Variants in RBFOX1 observed in about 807,000 individuals in gnomAD.
RBFOX1 encodes the protein RNA binding fox-1 homolog 1.
In RBFOX1, 8 loss-of-function variants were observed where a neutral mutation model predicts 57.7. The ratio of observed to expected loss-of-function variants is 0.14; its 90% CI spans 0.08 to 0.25. The LOEUF (loss-of-function observed/expected upper bound fraction) is 0.25. Ranked by LOEUF, RBFOX1 falls within the 10% of genes least tolerant of loss-of-function variation. The pLI is 1.00. For missense variants in RBFOX1, 611 were observed against 548.5 expected (o/e 1.11, Z -1.14); for synonymous variants, 326 against 222.4 (o/e 1.47, Z -4.15).
At chr16:6,645,903 C>G (rs2098530408) in intron 2 of RBFOX1, among the ~76,000 whole-genome samples, 1 of 152,012 alleles carries the variant, frequency 6.6e-6, no homozygotes, top group Non-Finnish European at 1.5e-5. Context: ...TGCAGAGTTC[C>G]AAAACTGGTG....
chr16:5,303,837 T>C (rs547142236), intron 1 of RBFOX1, among the ~76,000 whole-genome samples: 1 of 152,112 alleles, frequency 6.6e-6, no homozygotes, highest in African/African-American at 2.4e-5. Context: ...CTGAGATGCC[T>C]TTTTTCCCCT....
At position 5,814,375 on chromosome 16, in the gene RBFOX1, C is replaced by A. The variant is rs78237329; in HGVS notation, c.319-52928C>A. ...GATCTCTGTTTGCTTCCTGCCTTCCCAAATCCAAGCTTCACCAACTTTTTC... is the reference window on the plus strand; with the variant it reads ...GATCTCTGTTTGCTTCCTGCCTTCCAAAATCCAAGCTTCACCAACTTTTTC... On this transcript the variant is annotated intron_variant, in intron 3 of 19. Transcript: ENST00000641259. 5.2e-4 allele frequency among the ~76,000 whole-genome samples: 79 copies of A among 152,268 alleles called. 2 individuals are homozygous for A. The East Asian group carries it at 0.015, about 29-fold the overall frequency.
In RBFOX1 at chr16:5,271,834, G is replaced by C. The variant is rs549045989; in HGVS notation, c.219+31729G>C. ...CAACTTCTTTAGATTCCACATGTAA[G>C]TAAAATCATGCAGTATTTGTCTTTC... On this transcript the variant is annotated intron_variant, in intron 1 of 2. Coordinates refer to the RBFOX1 transcript ENST00000585867. Among the ~76,000 whole-genome samples the C allele has an allele frequency of 3.3e-5, 5 of 152,254 alleles. No individual in the cohort carries two copies. The South Asian group carries it at 1.0e-3, about 32-fold the overall frequency.
chr16:6,732,878 C>G (rs746443916), intron 3 of RBFOX1, among the ~76,000 whole-genome samples: 6 of 152,142 alleles, frequency 3.9e-5, no homozygotes, highest in Non-Finnish European at 7.3e-5. Flanking sequence ...AAATTTGCAT[C>G]TGAAAGTTTG....
chr16:5,570,035 A>C (rs1412456395), intron 2 of RBFOX1, among the ~76,000 whole-genome samples: 1 of 152,218 alleles, frequency 6.6e-6, no homozygotes, highest in Non-Finnish European at 1.5e-5. Context: ...CGTGGCAACA[A>C]CACCCAGTGA....
At chr16:5,385,481 T>C (rs1271722173) in intron 1 of RBFOX1, among the ~76,000 whole-genome samples, 1 of 152,196 alleles carries the variant, frequency 6.6e-6, no homozygotes, top group African/African-American at 2.4e-5. Context: ...CAATTAGTAA[T>C]GAGAAGGTGA....
At chr16:5,690,330 T>C (rs1159739414) in intron 3 of RBFOX1, among the ~76,000 whole-genome samples, 1 of 152,192 alleles carries the variant, frequency 6.6e-6, no homozygotes, top group African/African-American at 2.4e-5. Flanking sequence ...TACTCCTCAA[T>C]GTAGAACTCC....
intron 1 of RBFOX1, among the ~76,000 whole-genome samples, chr16:5,396,181 A>G (rs1336912856): frequency 1.3e-5 from 2 of 152,262 alleles, no homozygotes; most frequent in African/African-American, 4.8e-5. Flanking sequence ...TATGCTAAAT[A>G]GGTAATCCTC....
At chr16:6,548,409 T>C (rs2153857935) in intron 2 of RBFOX1, among the ~76,000 whole-genome samples, 1 of 152,268 alleles carries the variant, frequency 6.6e-6, no homozygotes, top group African/African-American at 2.4e-5. Flanking sequence ...TTTGGGCTTT[T>C]TAGGTTTTGT....
chr16:7,398,076 T>C (rs1162567626), intron 4 of RBFOX1, among the ~76,000 whole-genome samples: 2 of 152,152 alleles, frequency 1.3e-5, no homozygotes, highest in Non-Finnish European at 2.9e-5. Context: ...TTGCTCTATT[T>C]CCTGGGTTGT....
Position 6,248,486 on chromosome 16 carries a change from G to A in RBFOX1, c.-126-68509G>A, listed in dbSNP as rs371727638. 3.1e-4 allele frequency among the ~76,000 whole-genome samples: 47 copies of A among 152,254 alleles called. 1 individual carries two copies. Among genetic ancestry groups the A allele is most frequent in the South Asian group, 1.0e-3 (5 of 4,824 alleles). On this transcript the variant is annotated intron_variant, in intron 1 of 15. Transcript: ENST00000550418. Reference sequence around the variant, plus strand: ...GTCACAGCTACTAAGAGCAATGTGCGTAGAGTATATTCTGAAAGGAGAGGG... The same window carrying A: ...GTCACAGCTACTAAGAGCAATGTGCATAGAGTATATTCTGAAAGGAGAGGG...
rs779246844 is a variant in RBFOX1 at position 5,985,714 on chromosome 16, C to T, written c.351+118379C>T. Among the ~76,000 whole-genome samples, 18 of 152,198 alleles carry T rather than the reference C, an allele frequency of 1.2e-4. No homozygotes were observed. The South Asian group carries it at 1.7e-3, about 14-fold the overall frequency. On this transcript the variant is annotated intron_variant, in intron 4 of 19. Transcript: ENST00000641259. ...TTTGTGACTTTTAGGCAGTTGCACA[C>T]GCATGGTACCTGGAGGCAGGCTGCC...
intron 2 of RBFOX1, among the ~76,000 whole-genome samples, chr16:6,337,250 A>G (rs1318440568): frequency 1.3e-5 from 2 of 152,188 alleles, no homozygotes; most frequent in African/African-American, 4.8e-5. Flanking sequence ...TATGAGGTTC[A>G]ATGGTCTCCT....
chr16:5,328,794 T>C lies in RBFOX1; in HGVS notation c.219+88689T>C, dbSNP rs533780623. ...AAGCTCAGCCAATCAGATTTTTACATGCAAGAATCAGCCACGAGAATGTGA... is the reference window on the plus strand; with the variant it reads ...AAGCTCAGCCAATCAGATTTTTACACGCAAGAATCAGCCACGAGAATGTGA... On this transcript the variant is annotated intron_variant, in intron 1 of 2. Transcript: ENST00000585867. 2.6e-5 allele frequency among the ~76,000 whole-genome samples: 4 copies of C among 152,282 alleles called. No homozygotes were observed. In the South Asian group the frequency reaches 8.3e-4, roughly 32 times the overall value.
chr16:7,238,852 T>G (rs1341959568), intron 4 of RBFOX1, among the ~76,000 whole-genome samples: 1 of 152,160 alleles, frequency 6.6e-6, no homozygotes, highest in Non-Finnish European at 1.5e-5. Context: ...TCCACGTGTT[T>G]TTATCATTTA....
intron 4 of RBFOX1, among the ~76,000 whole-genome samples, chr16:7,391,450 C>G (rs1354136667): frequency 1.3e-5 from 2 of 152,178 alleles, no homozygotes; most frequent in Non-Finnish European, 2.9e-5. Context: ...ATGATTTTCT[C>G]CACATCTGGA....
chr16:6,483,592 AAGAGGGAG>A, intron 2 of RBFOX1: 2 of 1,393,020 alleles, frequency 1.4e-6, no homozygotes, highest in South Asian at 2.4e-5. Flanking sequence ...GAAGGAGAGA[AAGAGGGAG>A]AGAGGGAGGG....
intron 4 of RBFOX1, among the ~76,000 whole-genome samples, chr16:5,973,311 A>G (rs1340244485): frequency 2.0e-5 from 3 of 152,196 alleles, no homozygotes; most frequent in African/African-American, 4.8e-5. Flanking sequence ...GTTAGGAGCA[A>G]TTAGATCTAT....
chr16:6,243,890 A>G (rs1451746986), intron 1 of RBFOX1, among the ~76,000 whole-genome samples: 1 of 152,204 alleles, frequency 6.6e-6, no homozygotes, highest in Admixed American at 6.5e-5. Flanking sequence ...GGACGTGTCC[A>G]GAGGCCATTG....
Sources: gnomAD v4.1 joint callset for allele counts (sites outside exome capture counted in the v4.1 genomes callset) on GRCh38, gnomAD v4.1.1 for gene constraint, MANE v1.5 for transcripts, NCBI Gene and HGNC (gene_info 2026-07-23, HGNC 2026-07-21) for gene names.